The following LRP1B variants were observed in gnomAD, a reference collection of about 807,000 sequenced individuals.
LRP1B encodes the protein low-density lipoprotein receptor-related protein 1B.
Under a neutral mutation model 556.6 loss-of-function variants are expected in LRP1B, and 217 were observed. The ratio of observed to expected loss-of-function variants is 0.39; its 90% CI spans 0.35 to 0.44. LRP1B has a LOEUF of 0.44. Ranked by LOEUF, LRP1B falls within the 20% of genes least tolerant of loss-of-function variation. The probability of loss-of-function intolerance (pLI) is 1.00; values close to 1 mark genes in which losing one functional copy is unlikely to be tolerated. For synonymous variants in LRP1B, 2,047 were observed against 1,865.8 expected (o/e 1.10, Z -2.50); for missense variants, 5,053 against 5,620.8 (o/e 0.90, Z 3.23).
In LRP1B at chr2:140,804,446, TATTTA is replaced by T. The variant is rs1271241261; in HGVS notation, c.5359+9206_5359+9210del. The stretch of plus-strand genomic sequence containing the variant: ...GTATGTATTTTTTAAATTTTTCTCT[TATTTA>T]AGTGTATCATATTAAGTATATCTTA... On this transcript the variant is annotated intron_variant, in intron 32 of 90. Coordinates refer to ENST00000389484, the MANE Select transcript of LRP1B (RefSeq NM_018557.3). 2.0e-5 allele frequency among the ~76,000 whole-genome samples: 3 copies of T among 151,120 alleles called. No individual in the cohort carries two copies. In the South Asian group the frequency reaches 6.2e-4, roughly 31 times the overall value.
intron 1 of LRP1B, among the ~76,000 whole-genome samples, chr2:141,906,269 A>C (rs1205480616): frequency 6.6e-6 from 1 of 151,902 alleles, no homozygotes; most frequent in African/African-American, 2.4e-5. Flanking sequence ...AGAACAAAAA[A>C]AAACAAAAAC....
At chr2:140,877,854 C>T (rs1221985658) in intron 25 of LRP1B, among the ~76,000 whole-genome samples, 2 of 152,130 alleles carry the variant, frequency 1.3e-5, no homozygotes, top group Admixed American at 1.3e-4. Context: ...GTCATCAGGA[C>T]CTCCTGAAGC....
intron 18 of LRP1B, among the ~76,000 whole-genome samples, chr2:140,961,053 T>C (rs1044678919): frequency 1.3e-5 from 2 of 151,950 alleles, no homozygotes; most frequent in Non-Finnish European, 2.9e-5. Context: ...TTGGTGGTTT[T>C]GTGTTCTCTA....
At chr2:141,474,402 C>T (rs1180567445) in intron 3 of LRP1B, among the ~76,000 whole-genome samples, 2 of 114,552 alleles carry the variant, frequency 1.7e-5, no homozygotes, top group Admixed American at 9.4e-5. Flanking sequence ...TTCTAAATCA[C>T]CCCCAGGATT....
chr2:141,081,632 G>A (rs910947545), intron 7 of LRP1B, among the ~76,000 whole-genome samples: 2 of 152,230 alleles, frequency 1.3e-5, no homozygotes, highest in South Asian at 4.2e-4. Flanking sequence ...TACGGTGGGT[G>A]GTAGGTAGGG....
chr2:140,962,624 C>T (rs889391937), intron 18 of LRP1B, among the ~76,000 whole-genome samples: 1 of 152,102 alleles, frequency 6.6e-6, no homozygotes, highest in African/African-American at 2.4e-5. Context: ...TACAGAAGGT[C>T]CTGATTTCAC....
intron 11 of LRP1B, among the ~76,000 whole-genome samples, chr2:141,047,231 C>T (rs1698901585): frequency 6.6e-6 from 1 of 152,078 alleles, no homozygotes; most frequent in South Asian, 2.1e-4. Flanking sequence ...GCCTCTGTCA[C>T]ATCCAATTTA....
intron 87 of LRP1B, among the ~76,000 whole-genome samples, chr2:140,242,679 G>A (rs563625623): frequency 6.6e-6 from 1 of 151,150 alleles, no homozygotes; most frequent in Admixed American, 6.6e-5. Flanking sequence ...GGTGGAAGGA[G>A]ACTAGTTTGT....
At chr2:141,667,293 A>C (rs1690479986) in intron 2 of LRP1B, among the ~76,000 whole-genome samples, 1 of 152,160 alleles carries the variant, frequency 6.6e-6, no homozygotes, top group African/African-American at 2.4e-5. Flanking sequence ...TTCAAATTTC[A>C]ATTAGGATTT....
intron 34 of LRP1B, among the ~76,000 whole-genome samples, chr2:140,769,591 G>T (rs1157206574): frequency 6.6e-6 from 1 of 151,772 alleles, no homozygotes; most frequent in African/African-American, 2.4e-5. Context: ...GAATTAGTGG[G>T]CCCCATCCCA....
chr2:140,390,815 G>A (rs1300005098), intron 66 of LRP1B, among the ~76,000 whole-genome samples: 3 of 145,466 alleles, frequency 2.1e-5, no homozygotes, highest in Admixed American at 6.8e-5. Context: ...CAACATATTT[G>A]AGTAGCAAAT....
intron 72 of LRP1B, among the ~76,000 whole-genome samples, chr2:140,364,387 A>G (rs907216839): frequency 5.3e-5 from 8 of 151,630 alleles, no homozygotes; most frequent in Admixed American, 4.0e-4. Flanking sequence ...TAAAATGTCA[A>G]TTACTCTAAA....
At chr2:141,436,447 G>A (rs932165351) in intron 3 of LRP1B, among the ~76,000 whole-genome samples, 4 of 152,098 alleles carry the variant, frequency 2.6e-5, no homozygotes, top group South Asian at 2.1e-4. Context: ...TGATCAAAGG[G>A]TACAAAACAT....
At chr2:142,048,159 A>G (rs1461280256) in intron 1 of LRP1B, among the ~76,000 whole-genome samples, 1 of 152,106 alleles carries the variant, frequency 6.6e-6, no homozygotes, top group Non-Finnish European at 1.5e-5. Context: ...TTACAAAAGT[A>G]GGCAGCATCT....
chr2:141,432,468 G>A (rs2104986633), intron 3 of LRP1B, among the ~76,000 whole-genome samples: 2 of 152,158 alleles, frequency 1.3e-5, no homozygotes, highest in Admixed American at 1.3e-4. Flanking sequence ...GAATTAGGCA[G>A]TGTTCTCTCC....
intron 1 of LRP1B, among the ~76,000 whole-genome samples, chr2:141,818,074 T>C (rs1029282041): frequency 2.6e-5 from 4 of 152,236 alleles, no homozygotes; most frequent in Admixed American, 1.3e-4. Flanking sequence ...ATTTATTTAT[T>C]GTCTCTACAT....
chr2:140,873,656 TTAAAA>T (rs1484804349), intron 25 of LRP1B, among the ~76,000 whole-genome samples: 1 of 151,980 alleles, frequency 6.6e-6, no homozygotes, highest in Non-Finnish European at 1.5e-5. Flanking sequence ...AGGTAAATGA[TTAAAA>T]TAAAATAATT....
At chr2:141,361,314 T>C (rs1363729230) in intron 3 of LRP1B, among the ~76,000 whole-genome samples, 1 of 152,170 alleles carries the variant, frequency 6.6e-6, no homozygotes, top group African/African-American at 2.4e-5. Context: ...AAAATAATTG[T>C]TTTCTTAGCC....
intron 23 of LRP1B, among the ~76,000 whole-genome samples, chr2:140,896,044 TG>T (rs1693943665): frequency 6.6e-6 from 1 of 152,010 alleles, no homozygotes; most frequent in African/African-American, 2.4e-5. Flanking sequence ...AGCTTGAGGG[TG>T]GGGACCTCAC....
Sources: gnomAD v4.1 joint callset for allele counts (sites outside exome capture counted in the v4.1 genomes callset) on GRCh38, gnomAD v4.1.1 for gene constraint, MANE v1.5 for transcripts, NCBI Gene and HGNC (gene_info 2026-07-23, HGNC 2026-07-21) for gene names.